Variants in HS2ST1 observed in about 807,000 individuals in gnomAD.
The protein encoded by HS2ST1 is 2-O-sulfotransferase.
Under a neutral mutation model 42.9 loss-of-function variants are expected in HS2ST1, and 18 were observed. That is an observed-to-expected ratio of 0.42 (90% CI 0.29 to 0.62). The LOEUF is 0.62. Among genes scored for constraint, HS2ST1 ranks in the 20% least tolerant of loss-of-function variants. HS2ST1 has a pLI of 0.21. For missense variants in HS2ST1, 334 were observed against 433.8 expected, an observed-to-expected ratio of 0.77 and a Z score of 2.04; for synonymous variants, 146 against 152.9, an observed-to-expected ratio of 0.95 and a Z score of 0.33.
chr1:86,957,591 A>G (rs1647709287), intron 1 of HS2ST1, among the ~76,000 whole-genome samples: 2 of 152,192 alleles, frequency 1.3e-5, no homozygotes, highest in Admixed American at 1.3e-4. Flanking sequence ...TGCTACAGTT[A>G]AATATACTTG....
intron 1 of HS2ST1, among the ~76,000 whole-genome samples, chr1:86,930,128 G>A (rs975088862): frequency 2.6e-5 from 4 of 151,768 alleles, no homozygotes; most frequent in Admixed American, 2.0e-4. Context: ...TTTTTTTCAG[G>A]AATTATAGCA....
intron 3 of HS2ST1, 148 bp from the exon 4 acceptor site, chr1:87,092,380 TCGC>T (rs199905283): frequency 0.032 from 6,589 of 208,606 alleles, 151 homozygotes; most frequent in African/African-American, 0.23. Flanking sequence ...TAGTTCCCAA[TCGC>T]CACATACACA....
intron 1 of HS2ST1, among the ~76,000 whole-genome samples, chr1:87,013,256 C>T (rs1649655018): frequency 6.6e-6 from 1 of 152,206 alleles, no homozygotes; most frequent in Non-Finnish European, 1.5e-5. Flanking sequence ...TGGAGATATC[C>T]AGGCATTTCC....
At chr1:87,067,991 C>T (rs956407341) in intron 1 of HS2ST1, among the ~76,000 whole-genome samples, 10 of 151,930 alleles carry the variant, frequency 6.6e-5, no homozygotes, top group Non-Finnish European at 1.3e-4. Context: ...AGTTTGAAGT[C>T]GGTAGCGTGA....
At chr1:86,917,644 G>T (rs1386357356) in intron 1 of HS2ST1, among the ~76,000 whole-genome samples, 1 of 152,172 alleles carries the variant, frequency 6.6e-6, no homozygotes, top group East Asian at 1.9e-4. Context: ...TTGCAACCCA[G>T]GTATGTATGA....
At chr1:86,960,087 C>A (rs1206813527) in intron 1 of HS2ST1, among the ~76,000 whole-genome samples, 1 of 152,076 alleles carries the variant, frequency 6.6e-6, no homozygotes, top group Non-Finnish European at 1.5e-5. Context: ...ATAAATAGAT[C>A]ATTGAAGCAA....
At chr1:86,919,110 A>T (rs1356055706) in intron 1 of HS2ST1, among the ~76,000 whole-genome samples, 1 of 151,648 alleles carries the variant, frequency 6.6e-6, no homozygotes, top group Non-Finnish European at 1.5e-5. Context: ...ACGCCCAGGT[A>T]ATTTTTGTAT....
chr1:86,937,877 A>C (rs61709027), intron 1 of HS2ST1, among the ~76,000 whole-genome samples: 18,017 of 151,830 alleles, frequency 0.12, 1,749 homozygotes, highest in African/African-American at 0.27. Flanking sequence ...TATTTCAGTA[A>C]TTTAGATGAG....
At chr1:86,935,785 T>A (rs1376773271) in intron 1 of HS2ST1, among the ~76,000 whole-genome samples, 1 of 152,104 alleles carries the variant, frequency 6.6e-6, no homozygotes, top group Non-Finnish European at 1.5e-5. Context: ...TTTGTCTCAT[T>A]TACAGAAGTT....
chr1:86,985,435 C>T lies in HS2ST1; in HGVS notation c.124+70275C>T, dbSNP rs28540736. 1.2e-3 allele frequency among the ~76,000 whole-genome samples: 64 copies of T among 52,964 alleles called. 4 individuals are homozygous for T. The highest frequency in any genetic ancestry group is 2.6e-3 in the Admixed American group (9 of 3,430). The allele number at this position is 52,964 out of a possible 152,430, so 34.7% of individuals were successfully genotyped here. On this transcript the variant is annotated intron_variant, in intron 1 of 6. Coordinates refer to ENST00000370550, the MANE Select transcript of HS2ST1 (RefSeq NM_012262.4). The stretch of plus-strand genomic sequence containing the variant: ...ACATATATATACACATATATACACA[C>T]ATATATACACATATATACACACATA...
chr1:87,061,849 C>T (rs892243167), intron 1 of HS2ST1, among the ~76,000 whole-genome samples: 1 of 151,612 alleles, frequency 6.6e-6, no homozygotes, highest in Non-Finnish European at 1.5e-5. Flanking sequence ...GTTACATCCC[C>T]TCCAGCAATG....
chr1:87,092,085 G>C lies in HS2ST1; in HGVS notation c.450-446G>C, dbSNP rs566077208. Among the ~76,000 whole-genome samples, 183 of 152,118 alleles carry C rather than the reference G, an allele frequency of 1.2e-3. 1 individual carries two copies. The highest frequency in any genetic ancestry group is 4.1e-3 in the African/African-American group (172 of 41,544). ...TGCAGATTTGAAACTTTCTGTAGCA[G>C]CAGATGATTTATTCAGGAATGTAAT... On this transcript the variant is annotated intron_variant, in intron 3 of 6. Coordinates refer to ENST00000370550, the MANE Select transcript of HS2ST1 (RefSeq NM_012262.4).
intron 1 of HS2ST1, among the ~76,000 whole-genome samples, chr1:86,998,163 G>T (rs1278969030): frequency 6.6e-6 from 1 of 152,052 alleles, no homozygotes; most frequent in African/African-American, 2.4e-5. Flanking sequence ...TCTTGCTAAG[G>T]GTTTCCAATA....
intron 1 of HS2ST1, among the ~76,000 whole-genome samples, chr1:86,948,316 T>C (rs1647398174): frequency 6.6e-6 from 1 of 152,166 alleles, no homozygotes; most frequent in African/African-American, 2.4e-5. Flanking sequence ...CTTGCTATGT[T>C]GCTGAAGCAG....
At chr1:87,063,666 C>G (rs1557533072) in intron 1 of HS2ST1, among the ~76,000 whole-genome samples, 1 of 152,086 alleles carries the variant, frequency 6.6e-6, no homozygotes, top group Non-Finnish European at 1.5e-5. Context: ...ATTTTCTCTA[C>G]TGAGATTGTA....
intron 1 of HS2ST1, among the ~76,000 whole-genome samples, chr1:86,920,842 T>C (rs528289252): frequency 6.6e-6 from 1 of 152,286 alleles, no homozygotes; most frequent in South Asian, 2.1e-4. Context: ...TTCGGTCATT[T>C]GTGCACCTGA....
At chr1:86,990,323 G>T (rs1648905136) in intron 1 of HS2ST1, among the ~76,000 whole-genome samples, 1 of 152,022 alleles carries the variant, frequency 6.6e-6, no homozygotes, top group Non-Finnish European at 1.5e-5. Context: ...GCTGCTTCTG[G>T]GGCCTAAACG....
intron 1 of HS2ST1, among the ~76,000 whole-genome samples, chr1:86,927,698 A>G (rs1427426366): frequency 2.0e-5 from 3 of 152,112 alleles, no homozygotes; most frequent in Non-Finnish European, 2.9e-5. Context: ...TTTGCTTGGT[A>G]TGGTTAAGGA....
At chr1:87,009,009 G>A (rs1345324863) in intron 1 of HS2ST1, among the ~76,000 whole-genome samples, 1 of 151,948 alleles carries the variant, frequency 6.6e-6, no homozygotes, top group African/African-American at 2.4e-5. Context: ...ACACCCTGCT[G>A]ATTTTTGTAG....
Sources: gnomAD v4.1 joint callset for allele counts (sites outside exome capture counted in the v4.1 genomes callset) on GRCh38, gnomAD v4.1.1 for gene constraint, MANE v1.5 for transcripts, NCBI Gene and HGNC (gene_info 2026-07-23, HGNC 2026-07-21) for gene names.